The following KIF13A variants were observed in gnomAD, a reference collection of about 807,000 sequenced individuals.
KIF13A encodes kinesin-like protein KIF13A.
In KIF13A, 79 loss-of-function variants were observed where a neutral mutation model predicts 212.2. The observed-to-expected ratio is 0.37, with a 90% CI of 0.31 to 0.45. KIF13A has a LOEUF of 0.45. KIF13A is among the 20% of genes least tolerant of loss of function. The probability of loss-of-function intolerance (pLI) is 1.00; values close to 1 mark genes in which losing one functional copy is unlikely to be tolerated. For missense variants in KIF13A, 1,901 were observed against 2,209.0 expected (o/e 0.86, Z 2.79); for synonymous variants, 789 against 808.6 (o/e 0.98, Z 0.41).
chr6:17,842,727 T>TA lies in KIF13A; in HGVS notation c.831-5145dup, dbSNP rs572796647. ...TCATGTTTTAAGATAGAATTTTTTT[T>TA]AAAAAAATCTATCAATCATAATGAA... On this transcript the variant is annotated intron_variant, in intron 9 of 38. Coordinates refer to ENST00000259711, the MANE Select transcript of KIF13A (RefSeq NM_022113.6). Among the ~76,000 whole-genome samples the TA allele has an allele frequency of 6.0e-5, 9 of 150,848 alleles. 1 individual carries two copies. The South Asian group carries it at 6.5e-4, about 11-fold the overall frequency.
intron 2 of KIF13A, among the ~76,000 whole-genome samples, chr6:17,933,397 C>A (rs1776179567): frequency 6.8e-6 from 1 of 147,222 alleles, no homozygotes; most frequent in Non-Finnish European, 1.5e-5. Context: ...ACCACCACAC[C>A]CAGCTCATTT....
chr6:17,823,527 G>A (rs1371880406), intron 16 of KIF13A, among the ~76,000 whole-genome samples: 1 of 150,134 alleles, frequency 6.7e-6, no homozygotes, highest in Admixed American at 6.7e-5. Context: ...GAGTGTAGTC[G>A]TGTGATCTTG....
intron 16 of KIF13A, among the ~76,000 whole-genome samples, chr6:17,818,704 G>T (rs4490652): frequency 0.49 from 74,495 of 151,898 alleles, 18,708 homozygotes; most frequent in South Asian, 0.54. Context: ...ATGAGGAAAC[G>T]GGGGCTCAAA....
In KIF13A at chr6:17,924,739, G is replaced by A. The variant is rs1034704290; in HGVS notation, c.147-26559C>T. Among the ~76,000 whole-genome samples the A allele has an allele frequency of 6.6e-5, 10 of 152,172 alleles. 1 individual carries two copies. Among genetic ancestry groups the A allele is most frequent in the Admixed American group, 5.9e-4 (9 of 15,282 alleles). ...GAGAAGGGGCAAGACAGAGAAAAAC[G>A]AAAGTTAAAAGAAGGCTGCTAAGAA... On this transcript the variant is annotated intron_variant, in intron 2 of 38. Transcript: ENST00000259711.
chr6:17,865,295 T>C (rs759282113), intron 4 of KIF13A, among the ~76,000 whole-genome samples: 2 of 151,164 alleles, frequency 1.3e-5, no homozygotes, highest in African/African-American at 2.4e-5. Flanking sequence ...TCCCTATCTC[T>C]TCTCTTTGGA....
In KIF13A at chr6:17,953,840, C is replaced by G. The variant is rs1216874814; in HGVS notation, c.146+33214G>C. On this transcript the variant is annotated intron_variant, in intron 2 of 38. Coordinates refer to ENST00000259711, the MANE Select transcript of KIF13A (RefSeq NM_022113.6). ...CTGTAAAACTGACAAAGGAAAAACTCTGTAAAGTGGCTGGTTGCAATTGTG... is the reference window on the plus strand; with the variant it reads ...CTGTAAAACTGACAAAGGAAAAACTGTGTAAAGTGGCTGGTTGCAATTGTG... 1.1e-5 allele frequency: 2 copies of G among 178,232 alleles called. 1 individual carries two copies. The allele number at this position is 178,232 out of a possible 1,614,324, so 11.0% of individuals were successfully genotyped here.
intron 12 of KIF13A, 141 bp downstream of exon 12, chr6:17,833,820 C>T (rs1765676631): frequency 4.1e-6 from 2 of 484,696 alleles, no homozygotes; most frequent in South Asian, 2.8e-5. Flanking sequence ...CACGCCACTG[C>T]ACCCCAGCCT....
In KIF13A at chr6:17,962,749, C is replaced by T. The variant is rs529934276; in HGVS notation, c.146+24305G>A. Among the ~76,000 whole-genome samples, 3 of 152,314 alleles carry T rather than the reference C, an allele frequency of 2.0e-5. No individual in the cohort carries two copies. In the South Asian group the frequency reaches 6.2e-4, roughly 32 times the overall value. On this transcript the variant is annotated intron_variant, in intron 2 of 38. Coordinates refer to ENST00000259711, the MANE Select transcript of KIF13A (RefSeq NM_022113.6). ...CCTGTGGTCCTCTCTCTCTCTCTCCCTTTCCTCTGAGCTTCCATACATTGG... is the reference window on the plus strand; with the variant it reads ...CCTGTGGTCCTCTCTCTCTCTCTCCTTTTCCTCTGAGCTTCCATACATTGG...
At chr6:17,959,170 T>C (rs1381311395) in intron 2 of KIF13A, among the ~76,000 whole-genome samples, 2 of 152,172 alleles carry the variant, frequency 1.3e-5, no homozygotes, top group African/African-American at 4.8e-5. Flanking sequence ...TTTAAGGAGC[T>C]ACATACATCT....
intron 2 of KIF13A, among the ~76,000 whole-genome samples, chr6:17,942,335 A>AATATATAT (rs10599616): frequency 9.6e-5 from 14 of 145,624 alleles, no homozygotes; most frequent in South Asian, 2.2e-4. Flanking sequence ...AACAACAACA[A>AATATATAT]ATATATATAT....
At chr6:17,959,632 T>C (rs1005369956) in intron 2 of KIF13A, among the ~76,000 whole-genome samples, 2 of 152,206 alleles carry the variant, frequency 1.3e-5, no homozygotes, top group African/African-American at 4.8e-5. Context: ...TCAGGCAGAA[T>C]TGATTATTTT....
intron 38 of KIF13A, among the ~76,000 whole-genome samples, chr6:17,767,737 T>C (rs1759140616): frequency 1.3e-5 from 2 of 152,244 alleles, no homozygotes; most frequent in African/African-American, 4.8e-5. Context: ...AATTAGTAAT[T>C]TGGAGTCCTT....
Position 17,947,766 on chromosome 6 carries a change from AAG to A in KIF13A, c.146+39286_146+39287del, listed in dbSNP as rs1234450207. Among the ~76,000 whole-genome samples the A allele has an allele frequency of 1.3e-5, 2 of 152,138 alleles. No individual in the cohort carries two copies. Among genetic ancestry groups the A allele is most frequent in the Admixed American group, 1.3e-4 (2 of 15,274 alleles). On this transcript the variant is annotated intron_variant, in intron 2 of 38. Coordinates refer to ENST00000259711, the MANE Select transcript of KIF13A (RefSeq NM_022113.6). This position sits in a 1 kb window ranked among gnomAD's most constrained non-coding sequence, Gnocchi z 4.6. The stretch of plus-strand genomic sequence containing the variant: ...TGAGGCAGGAGAATCACTTGAACCT[AAG>A]AAGTGGAGGTTGCAGTGAGCCGAGA...
At position 17,783,874 on chromosome 6, in the gene KIF13A, A is replaced by C. The variant is rs1760820909; in HGVS notation, c.3489-173T>G. ...CCTGTAGACATAAATCATGGGAATTATATGACTTACATAAAAGAACTTCCA... is the reference window on the plus strand; with the variant it reads ...CCTGTAGACATAAATCATGGGAATTCTATGACTTACATAAAAGAACTTCCA... On this transcript the variant is annotated intron_variant, in intron 28 of 38. Coordinates refer to ENST00000259711, the MANE Select transcript of KIF13A (RefSeq NM_022113.6). This position sits in a 1 kb window ranked among gnomAD's most constrained non-coding sequence, Gnocchi z 4.3. Among the ~76,000 whole-genome samples, 1 of 152,256 alleles carries C rather than the reference A, an allele frequency of 6.6e-6. No homozygotes were observed. Among genetic ancestry groups the C allele is most frequent in the African/African-American group, 2.4e-5 (1 of 41,474 alleles).
At chr6:17,779,565 C>T (rs778499702) in intron 32 of KIF13A, 27 bp downstream of exon 32, 2 of 1,066,198 alleles carry the variant, frequency 1.9e-6, no homozygotes. Context: ...AGCCACTGCG[C>T]CCGGCCTAAA....
downstream of KIF13A, among the ~76,000 whole-genome samples, chr6:17,762,841 G>C: frequency 6.6e-6 from 1 of 152,220 alleles, no homozygotes; most frequent in Non-Finnish European, 1.5e-5. Flanking sequence ...TCAGTAATGA[G>C]TATGCTGTAT....
rs1281111784 is a variant in KIF13A at position 17,764,490 on chromosome 6, G to C, written c.5038C>G (p.Pro1680Ala). 6.2e-7 allele frequency: 1 copy of C among 1,613,946 alleles called. No individual in the cohort carries two copies. Among genetic ancestry groups the C allele is most frequent in the South Asian group, 1.1e-5 (1 of 91,082 alleles). The change falls in exon 39 of 39, where the codon CCA becomes GCA. Residue 1680 changes from proline to alanine, a missense_variant. Physicochemically the swap from Pro to Ala is conservative, Grantham distance 27. Coordinates refer to ENST00000259711, the MANE Select transcript of KIF13A (RefSeq NM_022113.6). The surrounding 1 kb of genome is among the most constrained non-coding windows in gnomAD (Gnocchi z 5.1). The part of the protein sequence containing the change: ...KENSALAKGS[P>A]SSQSIPEKNS... ...TTCTCAGGGATGCTCTGGGATGATG[G>C]GCTCCCTTTGGCTAAGGCACTGTTT...
At chr6:17,889,447 T>C (rs535437015) in intron 3 of KIF13A, among the ~76,000 whole-genome samples, 1 of 152,146 alleles carries the variant, frequency 6.6e-6, no homozygotes, top group Non-Finnish European at 1.5e-5. Context: ...AAACCGTACA[T>C]GAAATTATAA....
At position 17,926,179 on chromosome 6, in the gene KIF13A, A is replaced by G. The variant is rs866513550; in HGVS notation, c.147-27999T>C. Among the ~76,000 whole-genome samples, 44 of 152,216 alleles carry G rather than the reference A, an allele frequency of 2.9e-4. No individual in the cohort carries two copies. Among genetic ancestry groups the G allele is most frequent in the African/African-American group, 1.0e-3 (43 of 41,456 alleles). On this transcript the variant is annotated intron_variant, in intron 2 of 38. Transcript: ENST00000259711. This position sits in a 1 kb window ranked among gnomAD's most constrained non-coding sequence, Gnocchi z 4.3. ...CTTGTATTAATATATAGAGTGACCA[A>G]CATTCAGTTCTTGTAAACTTCCACG...
Sources: gnomAD v4.1 joint callset for allele counts (sites outside exome capture counted in the v4.1 genomes callset) on GRCh38, gnomAD v4.1.1 for gene constraint, Gnocchi (gnomAD v3.1) non-coding constraint, MANE v1.5 for transcripts, NCBI Gene and HGNC (gene_info 2026-07-23, HGNC 2026-07-21) for gene names.